The following RBFOX1 variants were observed in gnomAD, a reference collection of about 807,000 sequenced individuals.
RBFOX1 encodes RNA binding protein fox-1 homolog 1.
RBFOX1 carries 8 observed loss-of-function variants against 57.7 expected under a neutral mutation model. The ratio of observed to expected loss-of-function variants is 0.14; its 90% confidence interval spans 0.08 to 0.25. RBFOX1 has a LOEUF of 0.25. RBFOX1 is among the 10% of genes least tolerant of loss of function. The pLI is 1.00. For synonymous variants in RBFOX1, 326 were observed against 222.4 expected (o/e 1.47, Z -4.15); for missense variants, 611 against 548.5 (o/e 1.11, Z -1.14).
intron 9 of RBFOX1, among the ~76,000 whole-genome samples, chr16:7,600,102 G>T (rs1243738029): frequency 6.6e-6 from 1 of 152,022 alleles, no homozygotes; most frequent in Non-Finnish European, 1.5e-5. Flanking sequence ...CCAGATTTTG[G>T]CATGCACATC....
intron 4 of RBFOX1, among the ~76,000 whole-genome samples, chr16:7,205,569 C>A (rs143489218): frequency 3.9e-4 from 59 of 151,598 alleles, no homozygotes; most frequent in African/African-American, 1.4e-3. Flanking sequence ...TAAACATGAA[C>A]CTTTCAGTAG....
intron 3 of RBFOX1, among the ~76,000 whole-genome samples, chr16:6,740,218 A>T (rs2071636683): frequency 6.6e-6 from 1 of 152,178 alleles, no homozygotes; most frequent in Non-Finnish European, 1.5e-5. Context: ...ATTGATACAC[A>T]ACCAGAAGTC....
intron 2 of RBFOX1, among the ~76,000 whole-genome samples, chr16:6,557,396 G>A (rs1486532245): frequency 2.0e-5 from 3 of 152,044 alleles, no homozygotes; most frequent in Non-Finnish European, 4.4e-5. Flanking sequence ...TCAAGAAATG[G>A]AGATGTGAAC....
chr16:6,897,681 C>G (rs868269847), intron 3 of RBFOX1, among the ~76,000 whole-genome samples: 23 of 151,644 alleles, frequency 1.5e-4, no homozygotes, highest in African/African-American at 5.3e-4. Context: ...TAATCACAGC[C>G]AGTTGGGAGC....
At chr16:6,807,516 G>T (rs150826707) in intron 3 of RBFOX1, among the ~76,000 whole-genome samples, 1 of 151,984 alleles carries the variant, frequency 6.6e-6, no homozygotes, top group Admixed American at 6.6e-5. Context: ...CTTGTCCTAT[G>T]ATATTAAGAT....
chr16:7,674,026 T>C (rs989364773), intron 13 of RBFOX1, among the ~76,000 whole-genome samples: 1 of 152,198 alleles, frequency 6.6e-6, no homozygotes, highest in African/African-American at 2.4e-5. Flanking sequence ...AGCGATAAAA[T>C]TGATTCAAGT....
chr16:6,735,240 G>C (rs1053306052), intron 3 of RBFOX1, among the ~76,000 whole-genome samples: 1 of 152,140 alleles, frequency 6.6e-6, no homozygotes, highest in Non-Finnish European at 1.5e-5. Context: ...TTAATAGAAA[G>C]GGTATGGTTT....
At position 7,607,292 on chromosome 16, in the gene RBFOX1, A is replaced by G. The variant is rs764127856; in HGVS notation, c.630A>G (p.Lys210=). Residue 210 remains lysine (K), a synonymous_variant, in exon 10 of 16, where the codon AAA becomes AAG. Transcript: ENST00000550418. ...TTGTGTATTTGTTTTAAGGCTGGAA[A>G]TTGAATCCAGTTGTGGGTGCAGTCT... The part of the protein sequence containing the change: ...KTVNPYTNGW[K]LNPVVGAVYS... 6.2e-7 allele frequency: 1 copy of G among 1,609,430 alleles called. No individual in the cohort carries two copies. The highest frequency in any genetic ancestry group is 8.5e-7 in the Non-Finnish European group (1 of 1,178,696).
intron 4 of RBFOX1, among the ~76,000 whole-genome samples, chr16:7,062,966 C>G (rs1399180597): frequency 8.9e-6 from 1 of 112,442 alleles, no homozygotes; most frequent in Non-Finnish European, 1.7e-5. Flanking sequence ...TTTCTGTGAT[C>G]GAAGAATCCC....
intron 1 of RBFOX1, among the ~76,000 whole-genome samples, chr16:6,208,750 G>C (rs973978400): frequency 6.6e-6 from 1 of 152,128 alleles, no homozygotes; most frequent in Non-Finnish European, 1.5e-5. Flanking sequence ...GGTTCTTCTT[G>C]GAAAATTGGA....
Position 7,648,232 on chromosome 16 carries a change from T to TA in RBFOX1, c.758-5583_758-5582insA, listed in dbSNP as rs1381716372. Among the ~76,000 whole-genome samples, 8 of 152,158 alleles carry TA rather than the reference T, an allele frequency of 5.3e-5. No homozygotes were observed. The South Asian group carries it at 1.2e-3, about 24-fold the overall frequency. On this transcript the variant is annotated intron_variant, in intron 11 of 15. Transcript: ENST00000550418. ...GGAAAAAATTATTTATTTATTTATT[T>TA]TTTTTGAGACTGAGTCTTGGTCTGT...
Position 6,659,080 on chromosome 16 carries a change from T to G in RBFOX1, c.-16+4430T>G, listed in dbSNP as rs58006615. Among the ~76,000 whole-genome samples, 62 of 152,238 alleles carry G rather than the reference T, an allele frequency of 4.1e-4. 2 individuals carry two copies. In the East Asian group the frequency reaches 0.011, roughly 28 times the overall value. On this transcript the variant is annotated intron_variant, in intron 3 of 15. Coordinates refer to ENST00000550418, the MANE Select transcript of RBFOX1 (RefSeq NM_018723.4). ...ATGCGTTTGACATTTACAGTACCTG[T>G]GTTTCTGCTGGGGCACTGAAGCATT...
chr16:6,394,007 G>C (rs2092715084), intron 2 of RBFOX1, among the ~76,000 whole-genome samples: 1 of 152,160 alleles, frequency 6.6e-6, no homozygotes, highest in Non-Finnish European at 1.5e-5. Context: ...TTTGGAAACT[G>C]TTTAGAAGAC....
rs553987233 is a variant in RBFOX1 at position 7,574,467 on chromosome 16, A to G, written c.271-5310A>G. ...GGTCCCAAAACCTCAAAAGTAGGGA[A>G]GCCAACAGTACAGCCTTCAGTCTGT... On this transcript the variant is annotated intron_variant, in intron 5 of 15. Coordinates refer to ENST00000550418, the MANE Select transcript of RBFOX1 (RefSeq NM_018723.4). Among the ~76,000 whole-genome samples the G allele has an allele frequency of 1.6e-3, 244 of 152,264 alleles. 1 individual carries two copies. The highest frequency in any genetic ancestry group is 3.0e-3 in the Non-Finnish European group (203 of 68,014).
chr16:5,979,265 G>C (rs1322032478), intron 4 of RBFOX1, among the ~76,000 whole-genome samples: 2 of 152,180 alleles, frequency 1.3e-5, no homozygotes, highest in Non-Finnish European at 2.9e-5. Context: ...GATCTGATGA[G>C]CGTGAGAGGT....
chr16:7,162,271 C>G (rs1176676864), intron 4 of RBFOX1, among the ~76,000 whole-genome samples: 1 of 152,168 alleles, frequency 6.6e-6, no homozygotes, highest in South Asian at 2.1e-4. Flanking sequence ...TATTTCCTCT[C>G]TCTCCATATG....
At chr16:6,808,134 T>C (rs1031500188) in intron 3 of RBFOX1, among the ~76,000 whole-genome samples, 1 of 144,342 alleles carries the variant, frequency 6.9e-6, no homozygotes, top group Non-Finnish European at 1.5e-5. Context: ...TAGAACTATA[T>C]ATAATATGCA....
At chr16:6,139,432 G>A (rs1050893751) in intron 1 of RBFOX1, among the ~76,000 whole-genome samples, 2 of 152,068 alleles carry the variant, frequency 1.3e-5, no homozygotes, top group Non-Finnish European at 2.9e-5. Flanking sequence ...TTGACCACCC[G>A]CTGCAAGAGA....
At chr16:6,543,268 C>G (rs74624635) in intron 2 of RBFOX1, among the ~76,000 whole-genome samples, 6,077 of 152,120 alleles carry the variant, frequency 0.04, 357 homozygotes, top group African/African-American at 0.11. Flanking sequence ...TAGCTGTGAG[C>G]TCAGCAACTC....
Sources: allele counts gnomAD v4.1 joint callset (sites outside exome capture counted in the v4.1 genomes callset), GRCh38; gene constraint gnomAD v4.1.1; transcripts MANE v1.5; gene names NCBI Gene and HGNC (gene_info 2026-07-23, HGNC 2026-07-21).